The following BAZ1A variants were observed in gnomAD, a reference collection of about 807,000 sequenced individuals.
BAZ1A encodes bromodomain adjacent to zinc finger domain protein 1A.
In BAZ1A, 50 loss-of-function variants were observed where a neutral mutation model predicts 185.2. The observed-to-expected ratio is 0.27, with a 90% CI of 0.22 to 0.34. The LOEUF is 0.34. Among genes scored for constraint, BAZ1A ranks in the 10% least tolerant of loss-of-function variants. BAZ1A has a pLI of 1.00. For synonymous variants in BAZ1A, 571 were observed against 615.6 expected, an observed-to-expected ratio of 0.93 and a Z score of 1.07; for missense variants, 1,356 against 1,839.9, an observed-to-expected ratio of 0.74 and a Z score of 4.81.
chr14:34,825,898 A>T, intron 4 of BAZ1A, 115 bp downstream of exon 4: 1 of 1,040,938 alleles, frequency 9.6e-7, no homozygotes, highest in Non-Finnish European at 1.3e-6. Flanking sequence ...AGATCGAGCC[A>T]CTGTACTCCA....
At chr14:34,852,706 T>C (rs566375520) in intron 3 of BAZ1A, among the ~76,000 whole-genome samples, 15 of 152,316 alleles carry the variant, frequency 9.8e-5, no homozygotes, top group African/African-American at 1.9e-4. Flanking sequence ...TTCTATAATA[T>C]AGCTTTTTAA....
chr14:34,770,871 C>G (rs1271297317), intron 21 of BAZ1A, among the ~76,000 whole-genome samples: 1 of 152,024 alleles, frequency 6.6e-6, no homozygotes, highest in Non-Finnish European at 1.5e-5. Context: ...TGACTCATAT[C>G]ATCAAACTAT....
rs1337064916 is a variant in BAZ1A at position 34,758,796 on chromosome 14, C to T, written c.4294G>A (p.Val1432Ile). 1 of 1,614,194 alleles carries T rather than the reference C, an allele frequency of 6.2e-7. No individual in the cohort carries two copies. The highest frequency in any genetic ancestry group is 1.7e-5 in the Admixed American group (1 of 60,022). ...GRRSSGRQGG[V>I]HELSAFEQLV... is the part of the protein sequence containing the mutation. ...TGTTCAAAAGCAGACAATTCATGAA[C>T]TCCTCCCTGTCGGCCAGAACTCCTT... Residue 1432 changes from valine to isoleucine, a missense_variant, in exon 25 of 27, where the codon GTT becomes ATT. Physicochemically the swap from Val to Ile is conservative, Grantham distance 29. This residue lies in a region of BAZ1A where 309 missense variants were observed against 355.3 expected (regional missense o/e 0.87). Coordinates refer to ENST00000360310, the MANE Select transcript of BAZ1A (RefSeq NM_013448.3).
At chr14:34,848,830 C>T (rs2042555329) in intron 3 of BAZ1A, among the ~76,000 whole-genome samples, 1 of 152,042 alleles carries the variant, frequency 6.6e-6, no homozygotes. Flanking sequence ...CTGATTTAAC[C>T]TATATTAGGG....
chr14:34,818,754 G>A (rs1200593075), intron 4 of BAZ1A, among the ~76,000 whole-genome samples: 4 of 152,118 alleles, frequency 2.6e-5, no homozygotes, highest in Admixed American at 6.5e-5. Flanking sequence ...AAGAGAAGCC[G>A]TAAAGTGCTT....
intron 2 of BAZ1A, among the ~76,000 whole-genome samples, chr14:34,870,461 T>G (rs2042933184): frequency 6.6e-6 from 1 of 152,226 alleles, no homozygotes; most frequent in African/African-American, 2.4e-5. Context: ...TGACCATTAG[T>G]ATAGGAATTG....
chr14:34,864,924 A>G (rs2042833062), intron 2 of BAZ1A, among the ~76,000 whole-genome samples: 2 of 151,670 alleles, frequency 1.3e-5, no homozygotes, highest in South Asian at 2.1e-4. Context: ...CTAAAGGCAC[A>G]TGCCACCATG....
intron 14 of BAZ1A, among the ~76,000 whole-genome samples, chr14:34,784,637 C>G (rs1880308467): frequency 6.6e-6 from 1 of 151,328 alleles, no homozygotes; most frequent in Non-Finnish European, 1.5e-5. Context: ...CCTGCCTCAG[C>G]CTCCCGAGTA....
intron 12 of BAZ1A, 44 bp downstream of exon 12, chr14:34,792,731 A>G: frequency 6.3e-7 from 1 of 1,590,490 alleles, no homozygotes; most frequent in Non-Finnish European, 8.5e-7. Flanking sequence ...TAGTTTCGCT[A>G]CAAAACTACT....
chr14:34,861,962 C>G, intron 3 of BAZ1A, 82 bp downstream of exon 3: 1 of 1,472,766 alleles, frequency 6.8e-7, no homozygotes, highest in Non-Finnish European at 9.3e-7. Context: ...GGAAGATTTC[C>G]TTAGGTCACC....
At chr14:34,862,444 TCA>T (rs2042783735) in intron 2 of BAZ1A, 122 bp from the exon 3 acceptor site, 2 of 1,058,816 alleles carry the variant, frequency 1.9e-6, no homozygotes, top group Admixed American at 6.0e-5. Context: ...TTATGTAGAC[TCA>T]CAGAACTCAA....
At position 34,761,831 on chromosome 14, in the gene BAZ1A, G is replaced by A. The variant is rs750237626; in HGVS notation, c.4169C>T (p.Ser1390Phe). ...AGAAAGTTTTGAAGCAATATTTACAGATCTTGACTGTTCACTTGACTTTGT... is the reference window on the plus strand; with the variant it reads ...AGAAAGTTTTGAAGCAATATTTACAAATCTTGACTGTTCACTTGACTTTGT... ...IATKSSEQSR[S>F]VNIASKLSLQ... The change falls in exon 24 of 27, where the codon TCT becomes TTT. Residue 1390 changes from serine to phenylalanine, a missense_variant. Ser to Phe is a radical substitution (Grantham distance 155). Transcript: ENST00000360310. 6 of 1,614,200 alleles carry A rather than the reference G, an allele frequency of 3.7e-6. No individual in the cohort carries two copies. Among genetic ancestry groups the A allele is most frequent in the Non-Finnish European group, 5.1e-6 (6 of 1,180,038 alleles).
intron 3 of BAZ1A, among the ~76,000 whole-genome samples, chr14:34,836,366 G>A (rs1002263639): frequency 2.2e-4 from 4 of 18,430 alleles, no homozygotes; most frequent in Non-Finnish European, 4.5e-4. Flanking sequence ...GCGACAGAGC[G>A]AGACTCCGTC....
At chr14:34,785,150 C>T (rs1880355845) in intron 14 of BAZ1A, among the ~76,000 whole-genome samples, 2 of 152,178 alleles carry the variant, frequency 1.3e-5, no homozygotes, top group Non-Finnish European at 2.9e-5. Flanking sequence ...GCCACTGTTC[C>T]CAGCCCTCAA....
intron 12 of BAZ1A, among the ~76,000 whole-genome samples, chr14:34,791,875 C>CT (rs1319998042): frequency 1.3e-5 from 2 of 152,144 alleles, no homozygotes; most frequent in African/African-American, 4.8e-5. Flanking sequence ...AGTGAACATA[C>CT]TGTTTTAAAA....
chr14:34,824,461 T>C (rs1456958901), intron 4 of BAZ1A, among the ~76,000 whole-genome samples: 1 of 135,020 alleles, frequency 7.4e-6, no homozygotes, highest in Non-Finnish European at 1.6e-5. Context: ...TACAGGACCA[T>C]GTCATGCTTC....
chr14:34,813,166 T>G (rs970153101), intron 4 of BAZ1A, among the ~76,000 whole-genome samples: 1 of 152,022 alleles, frequency 6.6e-6, no homozygotes, highest in Non-Finnish European at 1.5e-5. Flanking sequence ...GTGGATCACT[T>G]GAGCTGAGGA....
At chr14:34,873,257 G>C (rs1459936840) in intron 2 of BAZ1A, among the ~76,000 whole-genome samples, 1 of 152,088 alleles carries the variant, frequency 6.6e-6, no homozygotes, top group Non-Finnish European at 1.5e-5. Context: ...CTCCTTACAC[G>C]CGACGTTACT....
Position 34,862,119 on chromosome 14 carries a change from T to G in BAZ1A, c.317A>C (p.Asp106Ala). 6.2e-7 allele frequency: 1 copy of G among 1,614,168 alleles called. No individual in the cohort carries two copies. Among genetic ancestry groups the G allele is most frequent in the Non-Finnish European group, 8.5e-7 (1 of 1,180,016 alleles). The change falls in exon 3 of 27, where the codon GAT becomes GCT. Residue 106 changes from aspartate (D) to alanine (A), a missense_variant. Physicochemically the swap from Asp to Ala is moderately radical, Grantham distance 126 (BLOSUM62 -2). Coordinates refer to ENST00000360310, the MANE Select transcript of BAZ1A (RefSeq NM_013448.3). The stretch of plus-strand genomic sequence containing the variant: ...ATCCTTGACATATGCAAAGATATCA[T>G]CACAAATTTCATGTAAGCGCGAACG... ...THRSRLHEIC[D>A]DIFAYVKDRY... is the part of the protein sequence containing the mutation.
Sources: allele counts gnomAD v4.1 joint callset (sites outside exome capture counted in the v4.1 genomes callset), GRCh38; gene constraint gnomAD v4.1.1; regional missense constraint gnomAD v4.1.1; transcripts MANE v1.5; gene names NCBI Gene and HGNC (gene_info 2026-07-23, HGNC 2026-07-21).